Variants in PAN3 observed in about 807,000 individuals in gnomAD.
PAN3 encodes poly(A) specific ribonuclease subunit PAN3.
A neutral mutation model predicts 96.2 loss-of-function variants in PAN3; 19 were observed. The ratio of observed to expected loss-of-function variants is 0.20; its 90% confidence interval spans 0.14 to 0.29. The LOEUF is 0.29. Among genes scored for constraint, PAN3 ranks in the 10% least tolerant of loss-of-function variants. PAN3 has a pLI of 1.00. For missense variants in PAN3, 882 were observed against 1,108.1 expected (o/e 0.80, Z 2.90); for synonymous variants, 433 against 406.6 (o/e 1.06, Z -0.78).
intron 5 of PAN3, among the ~76,000 whole-genome samples, chr13:28,208,872 G>A (rs1566188591): frequency 6.6e-6 from 1 of 152,078 alleles, no homozygotes; most frequent in Non-Finnish European, 1.5e-5. Flanking sequence ...AAAAGGGAAT[G>A]GTGTAAGTGG....
chr13:28,258,692 G>A (rs1181657526), intron 7 of PAN3, among the ~76,000 whole-genome samples: 1 of 152,218 alleles, frequency 6.6e-6, no homozygotes, highest in East Asian at 1.9e-4. Context: ...CCTTCCAGTT[G>A]CTTTCAAAAA....
intron 5 of PAN3, among the ~76,000 whole-genome samples, chr13:28,214,253 A>G (rs942649584): frequency 6.6e-6 from 1 of 152,258 alleles, no homozygotes; most frequent in African/African-American, 2.4e-5. Flanking sequence ...GTATTTGTGT[A>G]CAAAGACTTG....
At chr13:28,216,818 TA>T (rs34397568) in intron 5 of PAN3, among the ~76,000 whole-genome samples, 42 of 147,506 alleles carry the variant, frequency 2.8e-4, no homozygotes, top group Admixed American at 4.7e-4. Context: ...TCCATCTAAT[TA>T]AAAAAAAAAA....
chr13:28,287,957 C>T (rs2138753763), intron 17 of PAN3, 27 bp from the exon 18 acceptor site: 1 of 1,594,300 alleles, frequency 6.3e-7, no homozygotes. Context: ...GCATGAGTTA[C>T]TGAGGTAAAA....
At chr13:28,179,739 A>C (rs77033411) in intron 4 of PAN3, among the ~76,000 whole-genome samples, 53 of 152,060 alleles carry the variant, frequency 3.5e-4, no homozygotes, top group African/African-American at 1.3e-3. Flanking sequence ...AATAACTAGC[A>C]TTTCAGACAT....
chr13:28,214,291 T>C (rs890586956), intron 5 of PAN3, among the ~76,000 whole-genome samples: 2 of 152,212 alleles, frequency 1.3e-5, no homozygotes, highest in African/African-American at 4.8e-5. Flanking sequence ...CAGCTTTATT[T>C]GTAATAGCCA....
In PAN3 at chr13:28,228,217, G is replaced by C. The variant is rs76425489; in HGVS notation, c.1000+7839G>C. 6.8e-3 allele frequency among the ~76,000 whole-genome samples: 1,041 copies of C among 152,256 alleles called. 11 individuals are homozygous for C. The highest frequency in any genetic ancestry group is 0.024 in the African/African-American group (1,006 of 41,550). On this transcript the variant is annotated intron_variant, in intron 6 of 18. Coordinates refer to ENST00000380958, the MANE Select transcript of PAN3 (RefSeq NM_175854.8). ...CTAATTCTGTAGGAATGAATCAGAT[G>C]GTTGTAGCCCCTTCTGTTTCTTGAA... is the stretch of plus-strand genomic sequence containing the variant.
At chr13:28,209,698 G>A (rs1022640498) in intron 5 of PAN3, among the ~76,000 whole-genome samples, 2 of 151,944 alleles carry the variant, frequency 1.3e-5, no homozygotes, top group Admixed American at 6.6e-5. Context: ...GCTAGATCAA[G>A]GGCATGCTTA....
chr13:28,164,524 C>T (rs1000382768), intron 1 of PAN3, among the ~76,000 whole-genome samples: 1 of 152,182 alleles, frequency 6.6e-6, no homozygotes, highest in East Asian at 1.9e-4. Flanking sequence ...TGGAAAATGT[C>T]TTCTATGATG....
chr13:28,158,116 A>G (rs1173896974), intron 1 of PAN3, among the ~76,000 whole-genome samples: 1 of 152,208 alleles, frequency 6.6e-6, no homozygotes, highest in Admixed American at 6.5e-5. Flanking sequence ...CCTGTTCAGT[A>G]AATGGTGCTG....
intron 4 of PAN3, among the ~76,000 whole-genome samples, chr13:28,189,521 CA>C (rs1215855495): frequency 7.1e-6 from 1 of 139,944 alleles, no homozygotes; most frequent in African/African-American, 2.8e-5. Flanking sequence ...CGTCTCAAAA[CA>C]AAAAAACAAA....
chr13:28,248,244 T>C (rs1375317321), intron 6 of PAN3, among the ~76,000 whole-genome samples: 1 of 152,218 alleles, frequency 6.6e-6, no homozygotes, highest in Non-Finnish European at 1.5e-5. Context: ...ATATAAATGT[T>C]ACTGGTTTTT....
At chr13:28,150,694 G>T (rs1453252629) in intron 1 of PAN3, among the ~76,000 whole-genome samples, 7 of 151,074 alleles carry the variant, frequency 4.6e-5, no homozygotes, top group Admixed American at 4.6e-4. Context: ...GAAAAACTTA[G>T]ATTATGACAA....
chr13:28,151,284 G>A (rs963644272), intron 1 of PAN3, among the ~76,000 whole-genome samples: 1 of 152,148 alleles, frequency 6.6e-6, no homozygotes, highest in African/African-American at 2.4e-5. Flanking sequence ...GGGAGGCCGA[G>A]GTGGGCAGAT....
chr13:28,263,617 C>T (rs753671630), intron 9 of PAN3, among the ~76,000 whole-genome samples: 4 of 152,172 alleles, frequency 2.6e-5, no homozygotes, highest in Non-Finnish European at 4.4e-5. Flanking sequence ...AGGCATGAGC[C>T]ACTGTGCTTC....
rs1035612015 is a variant in PAN3 at position 28,220,491 on chromosome 13, T to C, written c.1000+113T>C. ...ACTTGAATGATTCACATTTGAACATTAAGAGCTTTATGTTCTAGTTTTTGG... is the reference window on the plus strand; with the variant it reads ...ACTTGAATGATTCACATTTGAACATCAAGAGCTTTATGTTCTAGTTTTTGG... On this transcript the variant is annotated intron_variant, in intron 6 of 18. Coordinates refer to ENST00000380958, the MANE Select transcript of PAN3 (RefSeq NM_175854.8). 3 of 1,268,262 alleles carry C rather than the reference T, an allele frequency of 2.4e-6. No individual in the cohort carries two copies. In the African/African-American group the frequency reaches 4.5e-5, roughly 19 times the overall value. The allele number at this position is 1,268,262 out of a possible 1,614,324, so 78.6% of individuals were successfully genotyped here.
At chr13:28,141,646 T>C (rs1869857231) in intron 1 of PAN3, among the ~76,000 whole-genome samples, 1 of 151,972 alleles carries the variant, frequency 6.6e-6, no homozygotes, top group Non-Finnish European at 1.5e-5. Context: ...ATTGTAGTTT[T>C]AGTAGACACG....
At chr13:28,222,216 C>T (rs773526933) in intron 6 of PAN3, among the ~76,000 whole-genome samples, 51 of 152,028 alleles carry the variant, frequency 3.4e-4, no homozygotes, top group South Asian at 6.2e-4. Flanking sequence ...TCCATTAATG[C>T]TTATGGTATA....
Position 28,277,310 on chromosome 13 carries a change from A to G in PAN3, c.2123A>G (p.Glu708Gly). Residue 708 changes from glutamate to glycine, a missense_variant, in exon 15 of 19, where the codon GAG (glutamate) becomes GGG (glycine). Glu to Gly is a moderately conservative substitution (Grantham distance 98). Around this residue, in one of 3 missense-constraint regions of PAN3, gnomAD observed 364 missense variants for 513.6 expected, o/e 0.71. Transcript: ENST00000380958. Reference protein sequence around the residue: ...ACNSLAGIQRENLQKAMELVT... With the variant: ...ACNSLAGIQRGNLQKAMELVT... ...AACTCTTTGGCAGGAATTCAGCGAG[A>G]GAATTTACAGAAAGCCATGGAACTG... The G allele has an allele frequency of 6.2e-7, 1 of 1,613,646 alleles. No individual in the cohort carries two copies. The highest frequency in any genetic ancestry group is 1.7e-5 in the Admixed American group (1 of 59,976).
Sources: allele counts gnomAD v4.1 joint callset (sites outside exome capture counted in the v4.1 genomes callset), GRCh38; gene constraint gnomAD v4.1.1; regional missense constraint gnomAD v4.1.1; transcripts MANE v1.5; gene names NCBI Gene and HGNC (gene_info 2026-07-23, HGNC 2026-07-21).